Variants in MYH11 observed in about 807,000 individuals in gnomAD.
MYH11 encodes the protein myosin-11.
In MYH11, 80 loss-of-function variants were observed where a neutral mutation model predicts 246.6. That is an observed-to-expected ratio of 0.32 (90% CI 0.27 to 0.39). MYH11 has a LOEUF of 0.39. Ranked by LOEUF, MYH11 falls within the 10% of genes least tolerant of loss-of-function variation. The pLI, the probability that MYH11 is intolerant of heterozygous loss-of-function variation, is 1.00. For missense variants in MYH11, 2,158 were observed against 2,546.8 expected (o/e 0.85, Z 3.29); for synonymous variants, 1,071 against 1,015.5 (o/e 1.05, Z -1.04).
At chr16:15,821,022 C>T (rs1270564886) in intron 3 of MYH11, among the ~76,000 whole-genome samples, 1 of 152,248 alleles carries the variant, frequency 6.6e-6, no homozygotes, top group Non-Finnish European at 1.5e-5. Flanking sequence ...CAGGTATGTG[C>T]TACCACACCA....
intron 40 of MYH11, among the ~76,000 whole-genome samples, chr16:15,705,307 A>T (rs1178768100): frequency 6.6e-6 from 1 of 152,122 alleles, no homozygotes; most frequent in Non-Finnish European, 1.5e-5. Context: ...AGCTCCAGCC[A>T]GTAGGACACC....
chr16:15,726,944 C>T lies in MYH11; in HGVS notation c.3762G>A (p.Lys1254=), dbSNP rs2151225424. The T allele has an allele frequency of 1.9e-6, 3 of 1,613,472 alleles. No individual in the cohort carries two copies. The highest frequency in any genetic ancestry group is 2.5e-6 in the Non-Finnish European group (3 of 1,179,998). The change falls in exon 28 of 41, where the codon AAG becomes AAA. Residue 1254 remains lysine (K), a synonymous_variant. Coordinates refer to ENST00000300036, the MANE Select transcript of MYH11 (RefSeq NM_002474.3). ...CCTGCACCTGCGCCTCCAGCTTCTT[C>T]TTCTTATGTTCCACCTCCTGCTTGG... The part of the protein sequence containing the change: ...GQAKQEVEHK[K]KKLEAQVQEL...
chr16:15,849,570 T>C (rs1282882499), intron 1 of MYH11, among the ~76,000 whole-genome samples: 1 of 152,112 alleles, frequency 6.6e-6, no homozygotes, highest in African/African-American at 2.4e-5. Flanking sequence ...GCCTCCCAAG[T>C]AGCTGGGATC....
chr16:15,830,769 T>C (rs905228811), intron 2 of MYH11, among the ~76,000 whole-genome samples: 6 of 151,788 alleles, frequency 4.0e-5, no homozygotes, highest in Non-Finnish European at 7.4e-5. Context: ...TCCCAGCTAC[T>C]CAGGAGGCTG....
chr16:15,828,703 G>A (rs953083561), intron 2 of MYH11, among the ~76,000 whole-genome samples: 1 of 151,056 alleles, frequency 6.6e-6, no homozygotes, highest in African/African-American at 2.4e-5. Flanking sequence ...CGAGGTAGGA[G>A]AATCACTTGA....
chr16:15,777,043 A>G (rs190513277), intron 7 of MYH11, among the ~76,000 whole-genome samples: 31 of 152,238 alleles, frequency 2.0e-4, no homozygotes, highest in Middle Eastern at 3.4e-3. Context: ...CCCATGTCCA[A>G]TCTGGAAAGC....
chr16:15,825,103 A>G (rs216160), intron 2 of MYH11, among the ~76,000 whole-genome samples: 68,305 of 151,992 alleles, frequency 0.45, 16,157 homozygotes, highest in African/African-American at 0.6. Context: ...AGGCACGAAA[A>G]GTCACGTACT....
intron 3 of MYH11, among the ~76,000 whole-genome samples, chr16:15,801,988 C>G (rs2042898596): frequency 6.6e-6 from 1 of 152,010 alleles, no homozygotes; most frequent in Non-Finnish European, 1.5e-5. Flanking sequence ...AACCAACAAA[C>G]AGGCCTGAGC....
intron 27 of MYH11, among the ~76,000 whole-genome samples, chr16:15,727,636 T>C (rs1390729679): frequency 1.3e-5 from 2 of 152,156 alleles, no homozygotes; most frequent in African/African-American, 4.8e-5. Flanking sequence ...TTTTAATAAA[T>C]GTCACATAAA....
intron 15 of MYH11, among the ~76,000 whole-genome samples, chr16:15,752,074 G>C (rs1271437334): frequency 6.6e-6 from 1 of 151,956 alleles, no homozygotes; most frequent in Non-Finnish European, 1.5e-5. Context: ...TTACAGGTGT[G>C]AGCCACCATG....
intron 9 of MYH11, among the ~76,000 whole-genome samples, chr16:15,770,913 G>A (rs999347905): frequency 1.3e-5 from 2 of 152,044 alleles, no homozygotes; most frequent in African/African-American, 2.4e-5. Context: ...CAATGTAGTC[G>A]AGAGAGATAG....
intron 26 of MYH11, among the ~76,000 whole-genome samples, chr16:15,734,206 G>T (rs527343274): frequency 1.3e-5 from 2 of 152,310 alleles, no homozygotes; most frequent in East Asian, 3.9e-4. Flanking sequence ...ACATACTTGG[G>T]AATTGGAGCT....
chr16:15,819,658 G>A (rs2043352543), intron 3 of MYH11, among the ~76,000 whole-genome samples: 1 of 152,092 alleles, frequency 6.6e-6, no homozygotes, highest in East Asian at 1.9e-4. Flanking sequence ...TCTACATGAT[G>A]GTGAGTTGTA....
In MYH11 at chr16:15,759,693, T is replaced by G; in HGVS notation, c.1284A>C (p.Thr428=). The change falls in exon 12 of 41, where the codon ACA becomes ACC. Residue 428 remains threonine (T), a synonymous_variant. Transcript: ENST00000300036. ...GTATCCAGCGGAAAAGGCGCTCATA[T>G]GTTGCCTTGGCCAAAGCCTCTACAG... ...DFAVEALAKA[T]YERLFRWILT... The G allele has an allele frequency of 6.2e-7, 1 of 1,614,198 alleles. No individual in the cohort carries two copies. Among genetic ancestry groups the G allele is most frequent in the African/African-American group, 1.3e-5 (1 of 75,050 alleles).
At chr16:15,793,945 C>CTTTTT (rs61625627) in intron 4 of MYH11, among the ~76,000 whole-genome samples, 32 of 70,162 alleles carry the variant, frequency 4.6e-4, no homozygotes, top group Non-Finnish European at 6.7e-4. Context: ...CTTTTCTTTT[C>CTTTTT]TTTTTTTTTT....
chr16:15,748,017 G>A (rs1262560937), intron 17 of MYH11, 30 bp downstream of exon 17: 1 of 1,614,170 alleles, frequency 6.2e-7, no homozygotes, highest in Admixed American at 1.7e-5. Flanking sequence ...CTCACCCCCT[G>A]CCCTACCTGG....
chr16:15,736,523 C>T (rs1311964830), intron 25 of MYH11, among the ~76,000 whole-genome samples: 1 of 152,172 alleles, frequency 6.6e-6, no homozygotes, highest in Non-Finnish European at 1.5e-5. Context: ...AAGCAATCCC[C>T]CCACCTCGGC....
intron 1 of MYH11, among the ~76,000 whole-genome samples, chr16:15,845,724 A>AG (rs35884441): frequency 0.18 from 27,429 of 151,424 alleles, 3,168 homozygotes; most frequent in East Asian, 0.46. Flanking sequence ...GAGAGAGAGA[A>AG]AAAGAAGGAG....
chr16:15,717,516 C>T (rs192443694), intron 37 of MYH11, 168 bp from the exon 38 acceptor site: 39 of 691,532 alleles, frequency 5.6e-5, no homozygotes, highest in African/African-American at 4.1e-4. Context: ...TCTTCCAGGC[C>T]GGGCGTGGTG....
Sources: allele counts gnomAD v4.1 joint callset (sites outside exome capture counted in the v4.1 genomes callset), GRCh38; gene constraint gnomAD v4.1.1; transcripts MANE v1.5; gene names NCBI Gene and HGNC (gene_info 2026-07-23, HGNC 2026-07-21).